The following MALRD1 variants were observed in gnomAD, a reference collection of about 807,000 sequenced individuals.
MALRD1 encodes MAM and LDL-receptor class A domain-containing protein 1.
MALRD1 carries 247 observed loss-of-function variants against 242.1 expected under a neutral mutation model. The ratio of observed to expected loss-of-function variants is 1.02; its 90% confidence interval spans 0.92 to 1.13. The LOEUF is 1.13. MALRD1 is among the 50% of genes most tolerant of loss of function. The pLI is 0.00. For synonymous variants in MALRD1, 995 were observed against 866.6 expected, an observed-to-expected ratio of 1.15 and a Z score of -2.60; for missense variants, 2,989 against 2,533.1, an observed-to-expected ratio of 1.18 and a Z score of -3.86.
At chr10:19,260,364 G>A (rs140058195) in intron 19 of MALRD1, among the ~76,000 whole-genome samples, 9 of 152,238 alleles carry the variant, frequency 5.9e-5, no homozygotes, top group Non-Finnish European at 1.0e-4. Context: ...TCTGTTTCAC[G>A]TGGTCCTATC....
intron 1 of MALRD1, among the ~76,000 whole-genome samples, chr10:19,050,692 A>G (rs534486879): frequency 5.9e-5 from 9 of 152,280 alleles, no homozygotes; most frequent in South Asian, 2.1e-4. Flanking sequence ...TTCCCCAGAG[A>G]CGCTAACTGT....
intron 14 of MALRD1, among the ~76,000 whole-genome samples, chr10:19,176,758 C>G (rs1214279669): frequency 6.6e-6 from 1 of 152,054 alleles, no homozygotes; most frequent in Non-Finnish European, 1.5e-5. Flanking sequence ...ATTCTAAGCT[C>G]TGCGCATGTG....
intron 36 of MALRD1, among the ~76,000 whole-genome samples, chr10:19,619,947 G>A (rs962788688): frequency 1.3e-5 from 2 of 151,862 alleles, no homozygotes; most frequent in Non-Finnish European, 2.9e-5. Flanking sequence ...AGCCTGGGAG[G>A]TAGAGGCTGC....
At chr10:19,152,572 A>T (rs1039097960) in intron 11 of MALRD1, among the ~76,000 whole-genome samples, 6 of 152,038 alleles carry the variant, frequency 3.9e-5, no homozygotes, top group Admixed American at 3.9e-4. Flanking sequence ...TTCCTACATT[A>T]AAAAAATTAA....
At chr10:19,677,244 G>C (rs563348667) in intron 36 of MALRD1, among the ~76,000 whole-genome samples, 1 of 152,258 alleles carries the variant, frequency 6.6e-6, no homozygotes, top group East Asian at 1.9e-4. Flanking sequence ...TCATCACACT[G>C]TCTTCCATAA....
intron 18 of MALRD1, among the ~76,000 whole-genome samples, chr10:19,238,825 G>T (rs1401816618): frequency 6.6e-6 from 1 of 150,550 alleles, no homozygotes; most frequent in Non-Finnish European, 1.5e-5. Flanking sequence ...GGTTGTACTA[G>T]TTTACAATCC....
At chr10:19,479,904 C>T (rs773998505) in intron 29 of MALRD1, among the ~76,000 whole-genome samples, 5 of 152,146 alleles carry the variant, frequency 3.3e-5, no homozygotes, top group Non-Finnish European at 4.4e-5. Context: ...TATGGACTCA[C>T]CTGGATGTGT....
intron 34 of MALRD1, among the ~76,000 whole-genome samples, chr10:19,599,845 A>G (rs1355124698): frequency 6.6e-6 from 1 of 152,100 alleles, no homozygotes; most frequent in African/African-American, 2.4e-5. Flanking sequence ...GCTGATCTCA[A>G]AGAGTCTCTT....
chr10:19,669,056 T>C (rs1370863523), intron 36 of MALRD1, among the ~76,000 whole-genome samples: 1 of 152,238 alleles, frequency 6.6e-6, no homozygotes, highest in Non-Finnish European at 1.5e-5. Flanking sequence ...TATCTGTGAA[T>C]GTAACTGTCC....
At chr10:19,152,268 A>T (rs76143477) in intron 11 of MALRD1, among the ~76,000 whole-genome samples, 2,114 of 152,294 alleles carry the variant, frequency 0.014, 40 homozygotes, top group African/African-American at 0.048. Flanking sequence ...AGATAAATCA[A>T]GGGACGTGTT....
chr10:19,625,904 G>A (rs1411635951), intron 36 of MALRD1, among the ~76,000 whole-genome samples: 1 of 151,858 alleles, frequency 6.6e-6, no homozygotes, highest in Non-Finnish European at 1.5e-5. Flanking sequence ...TAAGACCATG[G>A]CCTCTGCTGT....
intron 12 of MALRD1, among the ~76,000 whole-genome samples, chr10:19,163,137 T>TAAAAAAAAAAAAAAAAAAAAAA (rs58034381): frequency 2.3e-5 from 1 of 43,854 alleles, no homozygotes; most frequent in African/African-American, 8.3e-5. Context: ...AAACCCTGTC[T>TAAAAAAAAAAAAAAAAAAAAAA]AAAAAAAAAA....
intron 36 of MALRD1, among the ~76,000 whole-genome samples, chr10:19,683,473 G>A (rs753719062): frequency 1.3e-5 from 2 of 152,134 alleles, no homozygotes; most frequent in African/African-American, 2.4e-5. Flanking sequence ...ACTGCAGTTC[G>A]TAAATAGGAA....
chr10:19,468,496 A>G (rs1836336841), intron 29 of MALRD1, among the ~76,000 whole-genome samples: 1 of 152,046 alleles, frequency 6.6e-6, no homozygotes, highest in Non-Finnish European at 1.5e-5. Context: ...AGTGTGAGTT[A>G]TTTTTTCCTA....
At chr10:19,570,784 C>G (rs1447617626) in intron 33 of MALRD1, among the ~76,000 whole-genome samples, 1 of 151,956 alleles carries the variant, frequency 6.6e-6, no homozygotes, top group Non-Finnish European at 1.5e-5. Context: ...AATATAATAT[C>G]TGTCTCTGAA....
intron 18 of MALRD1, among the ~76,000 whole-genome samples, chr10:19,240,724 C>A (rs960203386): frequency 1.3e-5 from 2 of 152,022 alleles, no homozygotes; most frequent in African/African-American, 4.8e-5. Context: ...GCCTTTACTG[C>A]ATTGAGGTAC....
intron 38 of MALRD1, among the ~76,000 whole-genome samples, chr10:19,709,826 C>T (rs992369574): frequency 6.6e-6 from 1 of 152,158 alleles, no homozygotes; most frequent in African/African-American, 2.4e-5. Flanking sequence ...GTGTGCTGGT[C>T]TTAACTACAC....
chr10:19,230,432 G>C (rs1409602718), intron 18 of MALRD1, among the ~76,000 whole-genome samples: 1 of 152,116 alleles, frequency 6.6e-6, no homozygotes, highest in African/African-American at 2.4e-5. Context: ...AAGGTGAAGG[G>C]AAACCAGCAT....
At chr10:19,112,375 C>T (rs1836708423) in intron 5 of MALRD1, among the ~76,000 whole-genome samples, 1 of 151,972 alleles carries the variant, frequency 6.6e-6, no homozygotes, top group Admixed American at 6.6e-5. Context: ...TGGACATCGT[C>T]ATCAGAAAAT....
Sources: gnomAD v4.1 joint callset for allele counts (sites outside exome capture counted in the v4.1 genomes callset) on GRCh38, gnomAD v4.1.1 for gene constraint, MANE v1.5 for transcripts, NCBI Gene and HGNC (gene_info 2026-07-23, HGNC 2026-07-21) for gene names.